Variants in NWD1 observed in about 807,000 individuals in gnomAD.
NWD1 encodes NACHT and WD repeat domain containing 1, also known as NACHT domain- and WD repeat-containing protein 1.
In NWD1, 129 loss-of-function variants were observed where a neutral mutation model predicts 135.1. That is an observed-to-expected ratio of 0.96 (90% CI 0.83 to 1.11). NWD1 has a LOEUF of 1.11. Among genes scored for constraint, NWD1 ranks in the 50% least tolerant of loss-of-function variants. The probability of loss-of-function intolerance (pLI) is 0.00; values close to 1 mark genes in which losing one functional copy is unlikely to be tolerated. For synonymous variants in NWD1, 773 were observed against 786.0 expected (o/e 0.98, Z 0.28); for missense variants, 1,740 against 1,851.3 (o/e 0.94, Z 1.10).
At chr19:16,812,679 C>CAAAG (rs1222807165) in intron 18 of NWD1, 30 of 772,300 alleles carry the variant, frequency 3.9e-5, no homozygotes, top group African/African-American at 2.6e-4. Context: ...CAAAAACAAA[C>CAAAG]AAACAAACAA....
At chr19:16,770,341 C>T (rs567503043) in intron 10 of NWD1, among the ~76,000 whole-genome samples, 1 of 152,106 alleles carries the variant, frequency 6.6e-6, no homozygotes, top group Non-Finnish European at 1.5e-5. Context: ...AGCTCTCATT[C>T]TTCTCTCTCC....
At chr19:16,738,058 G>C (rs971051506) in intron 4 of NWD1, among the ~76,000 whole-genome samples, 1 of 152,102 alleles carries the variant, frequency 6.6e-6, no homozygotes, top group Non-Finnish European at 1.5e-5. Flanking sequence ...AGGCAAGTGT[G>C]GCCTGCTGCC....
Position 16,762,044 on chromosome 19 carries a change from T to C in NWD1, c.2039T>C (p.Val680Ala). 6.2e-7 allele frequency: 1 copy of C among 1,614,050 alleles called. No homozygotes were observed. Among genetic ancestry groups the C allele is most frequent in the East Asian group, 2.2e-5 (1 of 44,870 alleles). ...SGSERAKRHG[V>A]LADFFSGTWS... ...TCCGAGAGAGCCAAGAGGCATGGCG[T>C]CCTGGCCGACTTCTTCTCAGGGACC... is the stretch of plus-strand genomic sequence containing the variant. Residue 680 changes from valine to alanine, a missense_variant, in exon 8 of 19, where the codon GTC becomes GCC. Transcript: ENST00000524140.
At position 16,749,421 on chromosome 19, in the gene NWD1, G is replaced by A. The variant is rs1420857366; in HGVS notation, c.779G>A (p.Cys260Tyr). The part of the protein sequence containing the change: ...LVNPKNKTHA[C>Y]YLKELGEQFV... The stretch of plus-strand genomic sequence containing the variant: ...AACCCCAAGAACAAGACTCACGCCT[G>A]CTACCTGAAGGAGCTGGGTGAGCAG... The change falls in exon 6 of 19, where the codon TGC (cysteine) becomes TAC (tyrosine). Residue 260 changes from cysteine to tyrosine, a missense_variant. Coordinates refer to ENST00000524140, the MANE Select transcript of NWD1 (RefSeq NM_001007525.5). 3.7e-6 allele frequency: 6 copies of A among 1,613,822 alleles called. No homozygotes were observed. In the East Asian group the frequency reaches 8.9e-5, roughly 24 times the overall value.
rs1198604787 is a variant in NWD1, at chr19:16,783,322, A to G, written c.2731+3857A>G. On this transcript the variant is annotated intron_variant, in intron 12 of 18. Transcript: ENST00000524140. ...AGTGCTGGAATTACAGGCATAAGCCACTGTACCTGTCTCTTAAAAATAAAT... is the reference window on the plus strand; with the variant it reads ...AGTGCTGGAATTACAGGCATAAGCCGCTGTACCTGTCTCTTAAAAATAAAT... Among the ~76,000 whole-genome samples, 3 of 151,972 alleles carry G rather than the reference A, an allele frequency of 2.0e-5. No homozygotes were observed. In the East Asian group the frequency reaches 5.9e-4, roughly 30 times the overall value.
Position 16,815,122 on chromosome 19 carries a change from G to C in NWD1, c.*83G>C, listed in dbSNP as rs767985500. ...TTGCCCCCACCAGGCATGGTTATCT[G>C]ATCCGAGAGAATTTCCAGTGCCTTT... On this transcript the variant is annotated 3_prime_UTR_variant, in exon 19 of 19. Transcript: ENST00000524140. 19 of 1,385,938 alleles carry C rather than the reference G, an allele frequency of 1.4e-5. No homozygotes were observed. Among genetic ancestry groups the C allele is most frequent in the Non-Finnish European group, 1.7e-5 (17 of 971,996 alleles). 85.9% of individuals were successfully genotyped at this position (1,385,938 alleles called of 1,614,324 possible).
intron 12 of NWD1, among the ~76,000 whole-genome samples, chr19:16,788,272 A>AATAATG (rs1555729783): frequency 2.2e-4 from 31 of 140,820 alleles, no homozygotes; most frequent in Non-Finnish European, 4.4e-4. Context: ...TAATAATAAT[A>AATAATG]ATAATAATAA....
At chr19:16,746,379 C>T (rs1327186858) in intron 5 of NWD1, among the ~76,000 whole-genome samples, 3 of 147,034 alleles carry the variant, frequency 2.0e-5, no homozygotes, top group Non-Finnish European at 3.0e-5. Context: ...AACAAAGAAA[C>T]AACATAAACA....
At chr19:16,733,025 C>T (rs547014319) in intron 3 of NWD1, among the ~76,000 whole-genome samples, 7 of 151,924 alleles carry the variant, frequency 4.6e-5, no homozygotes, top group East Asian at 3.9e-4. Flanking sequence ...AGTTTGATAC[C>T]GGTCTGGGTA....
At chr19:16,780,869 G>A (rs1432048768) in intron 12 of NWD1, among the ~76,000 whole-genome samples, 1 of 151,974 alleles carries the variant, frequency 6.6e-6, no homozygotes, top group Non-Finnish European at 1.5e-5. Flanking sequence ...ATGTTGCTGA[G>A]GCTGGTCTCA....
At chr19:16,761,217 A>T (rs1968997629) in intron 7 of NWD1, among the ~76,000 whole-genome samples, 2 of 152,168 alleles carry the variant, frequency 1.3e-5, no homozygotes, top group Non-Finnish European at 2.9e-5. Context: ...ATGGCTACAT[A>T]ATATTTCATT....
At chr19:16,770,373 G>A (rs554773742) in intron 10 of NWD1, among the ~76,000 whole-genome samples, 72 of 152,204 alleles carry the variant, frequency 4.7e-4, no homozygotes, top group Middle Eastern at 3.4e-3. Context: ...GAAGAAGGGC[G>A]TGTTTGCTTC....
chr19:16,805,253 T>C (rs1193113743), intron 17 of NWD1, among the ~76,000 whole-genome samples: 3 of 151,832 alleles, frequency 2.0e-5, no homozygotes, highest in African/African-American at 7.3e-5. Context: ...GAGATGGGGT[T>C]TCACCGTGTT....
At chr19:16,788,723 G>A (rs1408547156) in intron 12 of NWD1, among the ~76,000 whole-genome samples, 4 of 152,120 alleles carry the variant, frequency 2.6e-5, no homozygotes, top group Admixed American at 2.0e-4. Flanking sequence ...TTTGTGCAAG[G>A]TTGTGATTTT....
chr19:16,749,367 AC>A lies in NWD1; in HGVS notation c.727del (p.Arg243AlafsTer9), dbSNP rs767884159. 1.1e-5 allele frequency: 17 copies of A among 1,613,584 alleles called. No individual in the cohort carries two copies. The East Asian group carries it at 3.1e-4, about 30-fold the overall frequency. On this transcript the variant is annotated frameshift_variant, in exon 6 of 19. Coordinates refer to ENST00000524140, the MANE Select transcript of NWD1 (RefSeq NM_001007525.5). LOFTEE classifies it high-confidence loss of function. ...TDMHPGVLKT[H>X]RLPWSRDLVN... ...ATGCACCCAGGGGTCCTCAAGACCC[AC>A]CGCCTGCCGTGGAGCCGCGACTTGG...
Position 16,759,308 on chromosome 19 carries a change from C to T in NWD1, c.1853C>T (p.Pro618Leu), listed in dbSNP as rs776060633. The change falls in exon 7 of 19, where the codon CCG becomes CTG. Residue 618 changes from proline (P) to leucine (L), a missense_variant. Physicochemically the swap from Pro to Leu is moderately conservative, Grantham distance 98. Coordinates refer to ENST00000524140, the MANE Select transcript of NWD1 (RefSeq NM_001007525.5). ...VLQDVYRDWT[P>L]PSKELLRFPP... Reference sequence around the variant, plus strand: ...CAGGATGTGTACCGAGATTGGACCCCGCCCAGCAAGGAGCTGCTGCGCTTC... The same window carrying T: ...CAGGATGTGTACCGAGATTGGACCCTGCCCAGCAAGGAGCTGCTGCGCTTC... The T allele has an allele frequency of 8.1e-6, 13 of 1,613,984 alleles. No homozygotes were observed. The highest frequency in any genetic ancestry group is 2.2e-5 in the South Asian group (2 of 91,088).
rs527831615 is a variant in NWD1, at chr19:16,787,639, C to T, written c.2732-1343C>T. On this transcript the variant is annotated intron_variant, in intron 12 of 18. Transcript: ENST00000524140. The stretch of plus-strand genomic sequence containing the variant: ...CTTTGGAAGGCCGAGGCGGGTGGAT[C>T]ACCTGAGGTCAGGAGCTTGAGACCA... Among the ~76,000 whole-genome samples, 4 of 152,136 alleles carry T rather than the reference C, an allele frequency of 2.6e-5. No homozygotes were observed. In the South Asian group the frequency reaches 8.3e-4, roughly 32 times the overall value.
At chr19:16,811,968 A>G (rs1209419063) in intron 18 of NWD1, among the ~76,000 whole-genome samples, 1 of 152,212 alleles carries the variant, frequency 6.6e-6, no homozygotes, top group African/African-American at 2.4e-5. Flanking sequence ...GTGAGCCGAG[A>G]TCAGGCTACT....
intron 9 of NWD1, among the ~76,000 whole-genome samples, chr19:16,764,692 C>CCTCT (rs149038284): frequency 2.7e-5 from 4 of 150,228 alleles, no homozygotes; most frequent in Non-Finnish European, 4.5e-5. Context: ...TTTCTATCTC[C>CCTCT]CTCTCTCTCT....
Sources: allele counts gnomAD v4.1 joint callset (sites outside exome capture counted in the v4.1 genomes callset), GRCh38; gene constraint gnomAD v4.1.1; transcripts MANE v1.5; gene names NCBI Gene and HGNC (gene_info 2026-07-23, HGNC 2026-07-21).